DLEC1: variants seen among roughly 807,000 people sequenced by gnomAD.
The protein encoded by DLEC1 is deleted in lung and esophageal cancer protein 1.
DLEC1 carries 146 observed loss-of-function variants against 198.1 expected under a neutral mutation model. The ratio of observed to expected loss-of-function variants is 0.74; its 90% confidence interval spans 0.64 to 0.85. The LOEUF (loss-of-function observed/expected upper bound fraction) is 0.85. Ranked by LOEUF, DLEC1 falls within the 40% of genes least tolerant of loss-of-function variation. DLEC1 has a pLI of 0.00. For synonymous variants in DLEC1, 897 were observed against 866.8 expected, an observed-to-expected ratio of 1.03 and a Z score of -0.61; for missense variants, 2,233 against 2,220.0, an observed-to-expected ratio of 1.01 and a Z score of -0.12.
chr3:38,097,213 A>G lies in DLEC1; in HGVS notation c.2372A>G (p.Tyr791Cys). The G allele has an allele frequency of 6.3e-7, 1 of 1,584,684 alleles. No individual in the cohort carries two copies. The highest frequency in any genetic ancestry group is 8.6e-7 in the Non-Finnish European group (1 of 1,164,158). The change falls in exon 16 of 37, where the codon TAC (tyrosine) becomes TGC (cysteine). Residue 791 changes from tyrosine (Y) to cysteine (C), a missense_variant. Transcript: ENST00000308059. ...AACAACAGCAAGTCACCCATCAGATACCTGTGGGGGAAGATCAGCGACTGC... is the reference window on the plus strand; with the variant it reads ...AACAACAGCAAGTCACCCATCAGATGCCTGTGGGGGAAGATCAGCGACTGC... ...MWNNSKSPIR[Y>C]LWGKISDCHI... is the part of the protein sequence containing the mutation.
At chr3:38,066,337 T>C (rs1697028293) in intron 6 of DLEC1, among the ~76,000 whole-genome samples, 2 of 152,346 alleles carry the variant, frequency 1.3e-5, no homozygotes, top group East Asian at 3.9e-4. Flanking sequence ...TGATTTTCCA[T>C]TTAAAAAACA....
chr3:38,117,773 C>CCTCCTCCT (rs1700259740), intron 32 of DLEC1, 33 bp from the exon 33 acceptor site: 3 of 1,605,716 alleles, frequency 1.9e-6, no homozygotes, highest in Non-Finnish European at 2.6e-6. Flanking sequence ...AGACAAGATG[C>CCTCCTCCT]ATTCCCTGCC....
At chr3:38,052,182 C>A (rs552513753) in intron 2 of DLEC1, 2 of 435,002 alleles carry the variant, frequency 4.6e-6, no homozygotes, top group East Asian at 5.5e-5. Context: ...GGTCCTTCTT[C>A]TCAGAAATAA....
At position 38,117,068 on chromosome 3, in the gene DLEC1, T is replaced by C. The variant is rs764940358; in HGVS notation, c.4273T>C (p.Tyr1425His). ...EILHKVECTG[Y>H]ALGFMSLDSK... ...CCTGCACAAGGTGGAGTGTACTGGC[T>C]ACGCCCTGGGTTTCATGAGCTTGGA... Residue 1425 changes from tyrosine (Y) to histidine (H), a missense_variant, in exon 30 of 37, where the codon TAC (tyrosine) becomes CAC (histidine). By Grantham distance (83) the Tyr-to-His change is moderately conservative. Coordinates refer to ENST00000308059, the MANE Select transcript of DLEC1 (RefSeq NM_007335.4). 1.2e-6 allele frequency: 2 copies of C among 1,614,102 alleles called. No homozygotes were observed. Among genetic ancestry groups the C allele is most frequent in the Non-Finnish European group, 1.7e-6 (2 of 1,179,972 alleles).
chr3:38,062,345 G>C lies in DLEC1; in HGVS notation c.850G>C (p.Glu284Gln), dbSNP rs977774630. Reference protein sequence around the residue: ...LTWNLTPKAKERTREPLKKAS... With the variant: ...LTWNLTPKAKQRTREPLKKAS... ...ATGGAATTTAACTCCTAAGGCCAAA[G>C]AAAGGACCAGAGAACCTCTCAAGGT... Residue 284 changes from glutamate (E) to glutamine (Q), a missense_variant, in exon 4 of 37, where the codon GAA becomes CAA. Coordinates refer to ENST00000308059, the MANE Select transcript of DLEC1 (RefSeq NM_007335.4). 4.3e-6 allele frequency: 7 copies of C among 1,614,084 alleles called. No homozygotes were observed. In the Admixed American group the frequency reaches 6.7e-5, roughly 15 times the overall value.
intron 10 of DLEC1, among the ~76,000 whole-genome samples, chr3:38,089,769 G>A (rs1399421558): frequency 1.3e-5 from 2 of 152,168 alleles, no homozygotes; most frequent in Non-Finnish European, 2.9e-5. Flanking sequence ...GAGGGAGCTG[G>A]GGAAGGCTTT....
intron 15 of DLEC1, 42 bp downstream of exon 15, chr3:38,096,779 T>C: frequency 6.4e-7 from 1 of 1,558,942 alleles, no homozygotes; most frequent in Non-Finnish European, 8.7e-7. Flanking sequence ...GCCGAGGCAG[T>C]GTTGACATGA....
chr3:38,089,004 C>T (rs1698608213), intron 10 of DLEC1, among the ~76,000 whole-genome samples: 3 of 152,196 alleles, frequency 2.0e-5, no homozygotes, highest in Non-Finnish European at 4.4e-5. Context: ...CAGCACACTG[C>T]CACTCTCCCC....
At chr3:38,053,224 G>A (rs1206380139) in intron 2 of DLEC1, among the ~76,000 whole-genome samples, 2 of 152,224 alleles carry the variant, frequency 1.3e-5, no homozygotes, top group South Asian at 2.1e-4. Flanking sequence ...CATCTGGGAA[G>A]TGAGGAGCGT....
At position 38,069,321 on chromosome 3, in the gene DLEC1, C is replaced by A. The variant is rs183551636; in HGVS notation, c.1173+5402C>A. Among the ~76,000 whole-genome samples the A allele has an allele frequency of 5.5e-3, 837 of 152,202 alleles. 2 individuals carry two copies. Among genetic ancestry groups the A allele is most frequent in the Non-Finnish European group, 9.5e-3 (645 of 68,002 alleles). On this transcript the variant is annotated intron_variant, in intron 6 of 36. Coordinates refer to ENST00000308059, the MANE Select transcript of DLEC1 (RefSeq NM_007335.4). The stretch of plus-strand genomic sequence containing the variant: ...AGATTATGAAACATTCGAGCTATTC[C>A]CTATTTTATGAAACTATTTCAGAGA...
intron 2 of DLEC1, among the ~76,000 whole-genome samples, chr3:38,058,707 T>A (rs1308546644): frequency 6.6e-6 from 1 of 152,134 alleles, no homozygotes; most frequent in African/African-American, 2.4e-5. Flanking sequence ...GAGTGACCTG[T>A]AATGTAAACA....
intron 19 of DLEC1, among the ~76,000 whole-genome samples, chr3:38,102,804 C>A (rs896190780): frequency 6.6e-6 from 1 of 152,154 alleles, no homozygotes; most frequent in Non-Finnish European, 1.5e-5. Flanking sequence ...CAAATCAATT[C>A]GTGCCTTCAT....
intron 6 of DLEC1, among the ~76,000 whole-genome samples, chr3:38,065,522 G>T (rs566122817): frequency 6.6e-6 from 1 of 152,316 alleles, no homozygotes; most frequent in East Asian, 1.9e-4. Context: ...TCTACATTTT[G>T]CCAATCTGGT....
intron 14 of DLEC1, 28 bp downstream of exon 14, chr3:38,095,974 A>T (rs1432624868): frequency 1.2e-6 from 2 of 1,612,492 alleles, no homozygotes; most frequent in Non-Finnish European, 1.7e-6. Context: ...CTGGATGAGA[A>T]GTGGGCAGCT....
chr3:38,084,022 G>A (rs956390054), intron 6 of DLEC1, 136 bp from the exon 7 acceptor site: 24 of 728,780 alleles, frequency 3.3e-5, no homozygotes, highest in African/African-American at 8.9e-5. Context: ...AGCCAGCTTC[G>A]ACAGTTACCA....
intron 19 of DLEC1, among the ~76,000 whole-genome samples, chr3:38,105,609 G>T (rs1445267952): frequency 5.9e-5 from 9 of 151,932 alleles, no homozygotes; most frequent in African/African-American, 1.9e-4. Context: ...GGTACTGTTT[G>T]CATGATATAT....
At chr3:38,072,190 C>T (rs190440090) in intron 6 of DLEC1, among the ~76,000 whole-genome samples, 16 of 152,238 alleles carry the variant, frequency 1.1e-4, no homozygotes, top group African/African-American at 3.6e-4. Flanking sequence ...AGGCCAGGAA[C>T]AATGGTAACT....
intron 2 of DLEC1, 93 bp from the exon 3 acceptor site, chr3:38,059,649 G>C (rs1001963203): frequency 9.5e-7 from 1 of 1,047,828 alleles, no homozygotes; most frequent in Non-Finnish European, 1.4e-6. Context: ...TTGTTAGATA[G>C]TTTAGGCTTG....
intron 25 of DLEC1, 45 bp from the exon 26 acceptor site, chr3:38,114,297 C>T (rs751075249): frequency 2.3e-5 from 37 of 1,599,464 alleles, no homozygotes; most frequent in Middle Eastern, 1.7e-4. Flanking sequence ...GGGATGTGGT[C>T]GCAACCGGTG....
Sources: gnomAD v4.1 joint callset for allele counts (sites outside exome capture counted in the v4.1 genomes callset) on GRCh38, gnomAD v4.1.1 for gene constraint, MANE v1.5 for transcripts, NCBI Gene and HGNC (gene_info 2026-07-23, HGNC 2026-07-21) for gene names.